TENM3: variants seen among roughly 807,000 people sequenced by gnomAD.
TENM3 encodes teneurin transmembrane protein 3.
Under a neutral mutation model 255.1 loss-of-function variants are expected in TENM3, and 63 were observed. The observed-to-expected ratio is 0.25, with a 90% CI of 0.20 to 0.30. The LOEUF is 0.30. TENM3 is among the 10% of genes least tolerant of loss of function. The probability of loss-of-function intolerance (pLI) is 1.00; values close to 1 mark genes in which losing one functional copy is unlikely to be tolerated. For missense variants in TENM3, 2,929 were observed against 3,461.1 expected (o/e 0.85, Z 3.86); for synonymous variants, 1,306 against 1,322.3 (o/e 0.99, Z 0.27).
In TENM3 at chr4:182,588,162, C is replaced by A. The variant is rs916242048; in HGVS notation, c.512-12762C>A. Among the ~76,000 whole-genome samples the A allele has an allele frequency of 3.9e-5, 6 of 152,052 alleles. No individual in the cohort carries two copies. In the East Asian group the frequency reaches 1.2e-3, roughly 29 times the overall value. On this transcript the variant is annotated intron_variant, in intron 3 of 27. Coordinates refer to ENST00000511685, the MANE Select transcript of TENM3 (RefSeq NM_001080477.4). Reference sequence around the variant, plus strand: ...TAAAGGGAATTTTAAAATTGAAAAACTTCAGACTTCATTGCATGACTCCAA... The same window carrying A: ...TAAAGGGAATTTTAAAATTGAAAAAATTCAGACTTCATTGCATGACTCCAA...
At chr4:182,578,019 C>T (rs761491725) in intron 3 of TENM3, among the ~76,000 whole-genome samples, 5 of 151,758 alleles carry the variant, frequency 3.3e-5, no homozygotes, top group African/African-American at 4.8e-5. Flanking sequence ...CTGTGTTGCC[C>T]AGGCTGGAGT....
the TENM3 span, among the ~76,000 whole-genome samples, chr4:182,128,253 AT>A: frequency 2.0e-5 from 3 of 151,500 alleles, no homozygotes; most frequent in East Asian, 1.9e-4. Context: ...CTATGTAGGC[AT>A]TTTTTTTGAG....
chr4:182,120,806 A>C, the TENM3 span, among the ~76,000 whole-genome samples: 1 of 152,068 alleles, frequency 6.6e-6, no homozygotes, highest in Admixed American at 6.6e-5. Flanking sequence ...CAGCAAGCAG[A>C]CCAGGATTCC....
At chr4:182,487,531 T>C (rs1734877211) in intron 3 of TENM3, among the ~76,000 whole-genome samples, 1 of 152,126 alleles carries the variant, frequency 6.6e-6, no homozygotes, top group Admixed American at 6.6e-5. Flanking sequence ...GTGTATTAAG[T>C]ATACCACTGA....
chr4:181,723,591 C>G, the TENM3 span, among the ~76,000 whole-genome samples: 3 of 152,068 alleles, frequency 2.0e-5, no homozygotes, highest in East Asian at 5.8e-4. Context: ...TTTATTGTCA[C>G]TAGTTTTCTG....
chr4:182,140,506 GCAGAC>G (rs1340744972), upstream of TENM3, among the ~76,000 whole-genome samples: 2 of 88,162 alleles, frequency 2.3e-5, no homozygotes, highest in African/African-American at 7.0e-5. Flanking sequence ...TTTGAACCCA[GCAGAC>G]AGGCCGCTCA....
the TENM3 span, among the ~76,000 whole-genome samples, chr4:181,680,712 C>A: frequency 6.6e-6 from 1 of 152,068 alleles, no homozygotes; most frequent in South Asian, 2.1e-4. Flanking sequence ...CATGCAGAGC[C>A]AAGGTGCTCT....
chr4:181,972,021 A>C, the TENM3 span, among the ~76,000 whole-genome samples: 1 of 101,452 alleles, frequency 9.9e-6, no homozygotes, highest in Admixed American at 8.3e-5. Flanking sequence ...AAACTGCATC[A>C]GTTTTTTTTT....
At chr4:181,484,257 G>A in the TENM3 span, among the ~76,000 whole-genome samples, 1 of 151,978 alleles carries the variant, frequency 6.6e-6, no homozygotes, top group African/African-American at 2.4e-5. Context: ...GATCACTCGG[G>A]AGAGATTAAA....
At chr4:182,366,664 G>A (rs1355469602) in intron 3 of TENM3, among the ~76,000 whole-genome samples, 1 of 152,060 alleles carries the variant, frequency 6.6e-6, no homozygotes, top group Non-Finnish European at 1.5e-5. Context: ...AATATAATAG[G>A]TTTAAATACT....
Position 182,729,149 on chromosome 4 carries a change from T to C in TENM3, c.2553T>C (p.His851=), listed in dbSNP as rs1457731196. The C allele has an allele frequency of 1.5e-5, 25 of 1,614,026 alleles. No homozygotes were observed. The highest frequency in any genetic ancestry group is 2.1e-5 in the Non-Finnish European group (25 of 1,179,872). The change falls in exon 14 of 28, where the codon CAT becomes CAC. Residue 851 remains histidine, a synonymous_variant. Coordinates refer to ENST00000511685, the MANE Select transcript of TENM3 (RefSeq NM_001080477.4). ...TCCTTATAGGATCTGATAGCACCCA[T>C]GTTATACCTGGAGAAAGTCCTTTCA... ...ISFLIGSDST[H]VIPGESPFNK...
At chr4:181,905,782 GA>G in the TENM3 span, 1 of 309,506 alleles carries the variant, frequency 3.2e-6, no homozygotes, top group Non-Finnish European at 6.2e-6. Context: ...AAGTCAACTT[GA>G]AATGGCTAGA....
the TENM3 span, among the ~76,000 whole-genome samples, chr4:182,128,055 A>G: frequency 6.6e-6 from 1 of 152,240 alleles, no homozygotes; most frequent in South Asian, 2.1e-4. Flanking sequence ...TTATAGTACT[A>G]CTTTATAATA....
chr4:181,563,398 T>C, the TENM3 span, among the ~76,000 whole-genome samples: 45 of 152,228 alleles, frequency 3.0e-4, no homozygotes, highest in Non-Finnish European at 4.4e-5. Context: ...CCAGGCATTT[T>C]GGATTGGGGC....
At chr4:182,295,212 A>C (rs1036250117) in intron 1 of TENM3, among the ~76,000 whole-genome samples, 23 of 142,966 alleles carry the variant, frequency 1.6e-4, no homozygotes, top group African/African-American at 5.6e-4. Context: ...ACAGTGTTGC[A>C]TTTACTCGGA....
intron 3 of TENM3, among the ~76,000 whole-genome samples, chr4:182,542,313 T>C (rs1740961180): frequency 6.6e-6 from 1 of 152,160 alleles, no homozygotes; most frequent in Non-Finnish European, 1.5e-5. Flanking sequence ...GGGAACTCTT[T>C]AGCAGACGAT....
the TENM3 span, among the ~76,000 whole-genome samples, chr4:181,632,980 G>A: frequency 6.6e-6 from 1 of 152,134 alleles, no homozygotes; most frequent in Non-Finnish European, 1.5e-5. Context: ...TGCTAAAATA[G>A]CAACTTTAGG....
At chr4:181,635,529 G>T in the TENM3 span, among the ~76,000 whole-genome samples, 1 of 152,122 alleles carries the variant, frequency 6.6e-6, no homozygotes, top group Non-Finnish European at 1.5e-5. Context: ...GGGAGTGTGG[G>T]TTCCACCATG....
intron 1 of TENM3, among the ~76,000 whole-genome samples, chr4:182,303,945 T>G (rs1761988464): frequency 6.6e-6 from 1 of 152,210 alleles, no homozygotes; most frequent in African/African-American, 2.4e-5. Flanking sequence ...AATTAGAATA[T>G]CCTGCTCAAC....
Sources: gnomAD v4.1 joint callset for allele counts (sites outside exome capture counted in the v4.1 genomes callset) on GRCh38, gnomAD v4.1.1 for gene constraint, MANE v1.5 for transcripts, NCBI Gene and HGNC (gene_info 2026-07-23, HGNC 2026-07-21) for gene names.